RBFOX2: variants seen among roughly 807,000 people sequenced by gnomAD.
The protein encoded by RBFOX2 is RNA binding protein fox-1 homolog 2.
In RBFOX2, 10 loss-of-function variants were observed where a neutral mutation model predicts 49.1. The observed-to-expected ratio is 0.20, with a 90% confidence interval of 0.13 to 0.35. The LOEUF (loss-of-function observed/expected upper bound fraction) is 0.35, where lower values mean the gene tolerates loss of function less well. RBFOX2 is among the 10% of genes least tolerant of loss of function. The pLI is 1.00. For missense variants in RBFOX2, 323 were observed against 486.9 expected (o/e 0.66, Z 3.17); for synonymous variants, 183 against 187.4 (o/e 0.98, Z 0.19).
At chr22:35,789,918 T>C (rs193066766) in intron 2 of RBFOX2, among the ~76,000 whole-genome samples, 1 of 152,134 alleles carries the variant, frequency 6.6e-6, no homozygotes, top group African/African-American at 2.4e-5. Flanking sequence ...TTGGGAAGTC[T>C]GAGTGGGTGG....
intron 1 of RBFOX2, among the ~76,000 whole-genome samples, chr22:35,852,954 C>A (rs576872576): frequency 6.6e-6 from 1 of 152,264 alleles, no homozygotes; most frequent in East Asian, 1.9e-4. Context: ...TTAAATTCTT[C>A]TAGACTATAC....
At chr22:35,847,177 G>A (rs1258589766) in intron 1 of RBFOX2, among the ~76,000 whole-genome samples, 1 of 152,028 alleles carries the variant, frequency 6.6e-6, no homozygotes, top group Non-Finnish European at 1.5e-5. Flanking sequence ...AAACTAATTT[G>A]GCCAGACTAG....
At chr22:35,877,364 AAG>A (rs2045271039) in intron 1 of RBFOX2, among the ~76,000 whole-genome samples, 1 of 152,122 alleles carries the variant, frequency 6.6e-6, no homozygotes, top group African/African-American at 2.4e-5. Flanking sequence ...TAAACAGTAG[AAG>A]AGAGAACTGG....
intron 6 of RBFOX2, among the ~76,000 whole-genome samples, chr22:35,763,704 GAT>G (rs1183548810): frequency 1.3e-5 from 2 of 152,182 alleles, no homozygotes; most frequent in Admixed American, 6.5e-5. Flanking sequence ...AGGTAAAATA[GAT>G]ACCACATCTG....
intron 1 of RBFOX2, among the ~76,000 whole-genome samples, chr22:35,909,665 G>C (rs915627403): frequency 2.0e-5 from 3 of 152,198 alleles, no homozygotes; most frequent in Non-Finnish European, 2.9e-5. Flanking sequence ...CTGTTGGAGC[G>C]AAGTGGCACA....
chr22:35,746,650 A>G, intron 9 of RBFOX2, 89 bp from the exon 12 acceptor site: 2 of 648,518 alleles, frequency 3.1e-6, no homozygotes, highest in Non-Finnish European at 4.8e-6. Flanking sequence ...AGACGTACAC[A>G]CATGTAGACA....
At chr22:35,771,368 A>G (rs1444991959) in intron 4 of RBFOX2, among the ~76,000 whole-genome samples, 3 of 152,204 alleles carry the variant, frequency 2.0e-5, no homozygotes, top group Non-Finnish European at 4.4e-5. Flanking sequence ...AGGGAGCTAT[A>G]GTCCAAGAAA....
chr22:35,921,186 T>C (rs1481759116), intron 1 of RBFOX2, among the ~76,000 whole-genome samples: 1 of 152,200 alleles, frequency 6.6e-6, no homozygotes, highest in African/African-American at 2.4e-5. Context: ...TTAATGCTTT[T>C]AAGGCTTGCT....
At chr22:35,833,755 G>A (rs889279502) in intron 1 of RBFOX2, among the ~76,000 whole-genome samples, 3 of 152,124 alleles carry the variant, frequency 2.0e-5, no homozygotes, top group Non-Finnish European at 4.4e-5. Flanking sequence ...AACTCCTTGG[G>A]TTTCCTAATT....
At chr22:36,005,741 T>C (rs1346622642) in intron 1 of RBFOX2, among the ~76,000 whole-genome samples, 4 of 152,204 alleles carry the variant, frequency 2.6e-5, no homozygotes, top group African/African-American at 9.6e-5. Flanking sequence ...TTTTGTCTCA[T>C]GTGGTCATTA....
chr22:35,810,057 A>G, intron 1 of RBFOX2, 53 bp from the exon 3 acceptor site: 1 of 1,552,368 alleles, frequency 6.4e-7, no homozygotes, highest in East Asian at 2.2e-5. Context: ...TTGTTACGTA[A>G]CTATTTTTAA....
intron 1 of RBFOX2, among the ~76,000 whole-genome samples, chr22:35,985,263 C>G (rs2150079630): frequency 6.6e-6 from 1 of 152,250 alleles, no homozygotes; most frequent in Non-Finnish European, 1.5e-5. Context: ...TCGTAATCAA[C>G]TAAAAGTCAA....
At chr22:35,755,034 G>C (rs1162273447) in intron 9 of RBFOX2, among the ~76,000 whole-genome samples, 1 of 152,180 alleles carries the variant, frequency 6.6e-6, no homozygotes, top group African/African-American at 2.4e-5. Flanking sequence ...CATTCTGAAA[G>C]TGCATTAACT....
At chr22:35,999,321 G>A (rs774953563) in intron 1 of RBFOX2, 1 of 149,442 alleles carries the variant, frequency 6.7e-6, no homozygotes, top group Non-Finnish European at 1.5e-5. Context: ...AAGGCAGGAG[G>A]ACTGCTTGAG....
intron 1 of RBFOX2, among the ~76,000 whole-genome samples, chr22:35,902,244 T>G (rs142784974): frequency 3.7e-4 from 57 of 152,228 alleles, no homozygotes; most frequent in African/African-American, 1.3e-3. Flanking sequence ...CAACCACTTT[T>G]CCATTATCTA....
chr22:35,854,040 T>C (rs1450067001), intron 1 of RBFOX2, among the ~76,000 whole-genome samples: 1 of 151,796 alleles, frequency 6.6e-6, no homozygotes. Flanking sequence ...GTGAAACCCC[T>C]TCTCTGTTAA....
chr22:35,777,903 G>T, intron 4 of RBFOX2, 122 bp downstream of exon 5: 1 of 980,970 alleles, frequency 1.0e-6, no homozygotes. Flanking sequence ...AAACCAAGGT[G>T]GATAATTAGG....
intron 1 of RBFOX2, among the ~76,000 whole-genome samples, chr22:35,913,325 TA>T (rs1290520640): frequency 6.6e-5 from 10 of 151,710 alleles, no homozygotes; most frequent in Non-Finnish European, 1.0e-4. Context: ...TTTTAAAAAG[TA>T]AAAAAAGTAA....
At chr22:35,784,251 G>GA (rs1485441976) in intron 2 of RBFOX2, among the ~76,000 whole-genome samples, 1 of 152,200 alleles carries the variant, frequency 6.6e-6, no homozygotes, top group Non-Finnish European at 1.5e-5. Context: ...CTGATATGCT[G>GA]AAAACCAAGG....
Sources: allele counts gnomAD v4.1 joint callset (sites outside exome capture counted in the v4.1 genomes callset), GRCh38; gene constraint gnomAD v4.1.1; transcripts MANE v1.5; gene names NCBI Gene and HGNC (gene_info 2026-07-23, HGNC 2026-07-21).